The following ZBTB20 variants were observed in gnomAD, a reference collection of about 807,000 sequenced individuals.
The protein encoded by ZBTB20 is zinc finger and BTB domain-containing protein 20.
ZBTB20 carries 9 observed loss-of-function variants against 56.9 expected under a neutral mutation model. The observed-to-expected ratio is 0.16, with a 90% CI of 0.10 to 0.28. ZBTB20 has a LOEUF of 0.28. ZBTB20 is among the 10% of genes least tolerant of loss of function. ZBTB20 has a pLI of 1.00. For missense variants in ZBTB20, 655 were observed against 1,003.0 expected (o/e 0.65, Z 4.69); for synonymous variants, 417 against 420.7 (o/e 0.99, Z 0.11).
At chr3:114,763,158 T>C (rs2068550185) in intron 5 of ZBTB20, among the ~76,000 whole-genome samples, 1 of 152,150 alleles carries the variant, frequency 6.6e-6, no homozygotes, top group Non-Finnish European at 1.5e-5. Flanking sequence ...ATTTTAAACT[T>C]GTTAAGTGAT....
rs1014151898 is a variant in ZBTB20, at chr3:114,322,170, T to C, written c.*16835A>G. On this transcript the variant is annotated 3_prime_UTR_variant, in exon 12 of 12. Coordinates refer to ENST00000675478, the MANE Select transcript of ZBTB20 (RefSeq NM_001348800.3). ...GCTGCCCTATGTTTCACCAGTGACC[T>C]TTGTTTGGTTCTAAATGATTTAGCT... The C allele has an allele frequency of 7.2e-5, 11 of 152,268 alleles. No homozygotes were observed. Among genetic ancestry groups the C allele is most frequent in the African/African-American group, 2.4e-4 (10 of 41,452 alleles). The allele number at this position is 152,268 out of a possible 1,614,324, so 9.4% of individuals were successfully genotyped here. A position where few individuals can be genotyped will look rare whatever the true frequency, so the allele number is the denominator to read the frequency against.
At chr3:114,746,437 A>C (rs1227617180) in intron 5 of ZBTB20, among the ~76,000 whole-genome samples, 1 of 152,012 alleles carries the variant, frequency 6.6e-6, no homozygotes, top group Non-Finnish European at 1.5e-5. Flanking sequence ...TTCTAGTAGA[A>C]TTTGGCTGAT....
chr3:114,398,002 G>C (rs933958838), intron 7 of ZBTB20, among the ~76,000 whole-genome samples: 1 of 151,910 alleles, frequency 6.6e-6, no homozygotes, highest in African/African-American at 2.4e-5. Context: ...TAACTTATAG[G>C]GTGTCAGAAA....
chr3:114,986,001 G>C (rs2078523931), intron 2 of ZBTB20, among the ~76,000 whole-genome samples: 1 of 152,002 alleles, frequency 6.6e-6, no homozygotes, highest in Non-Finnish European at 1.5e-5. Context: ...AAGGGGGTGG[G>C]ATGCATTTGG....
intron 5 of ZBTB20, among the ~76,000 whole-genome samples, chr3:114,764,503 CTG>C (rs1448165607): frequency 1.3e-5 from 2 of 152,188 alleles, no homozygotes; most frequent in African/African-American, 4.8e-5. Flanking sequence ...CTGCTGAGAA[CTG>C]GATGTGCACA....
intron 7 of ZBTB20, among the ~76,000 whole-genome samples, chr3:114,403,267 C>T (rs533972014): frequency 2.0e-5 from 3 of 152,132 alleles, no homozygotes; most frequent in Admixed American, 6.5e-5. Context: ...GCCAGACTCT[C>T]ACCATGTTCT....
intron 5 of ZBTB20, among the ~76,000 whole-genome samples, chr3:114,722,852 C>T (rs748681895): frequency 2.6e-5 from 4 of 152,186 alleles, no homozygotes; most frequent in Admixed American, 6.5e-5. Flanking sequence ...CCTTGGACTT[C>T]ACAGCTCTGT....
chr3:114,555,520 C>T (rs559426817), intron 6 of ZBTB20, among the ~76,000 whole-genome samples: 1 of 152,214 alleles, frequency 6.6e-6, no homozygotes, highest in East Asian at 1.9e-4. Context: ...CACTAGTTCA[C>T]ATGTCATTTG....
chr3:114,384,110 C>CTCTCTCTCTCTCTCTCTCAT (rs2084754021), intron 8 of ZBTB20, among the ~76,000 whole-genome samples: 2 of 150,208 alleles, frequency 1.3e-5, no homozygotes, highest in African/African-American at 4.9e-5. Flanking sequence ...TTCTCTCTCT[C>CTCTCTCTCTCTCTCTCTCAT]TCTCTCTCTC....
chr3:114,551,167 A>G (rs957863001), intron 6 of ZBTB20, among the ~76,000 whole-genome samples: 1 of 152,248 alleles, frequency 6.6e-6, no homozygotes, highest in Admixed American at 6.5e-5. Context: ...AATCGATTAA[A>G]AATATATTCG....
chr3:114,931,843 C>G (rs899210080), intron 3 of ZBTB20, among the ~76,000 whole-genome samples: 1 of 151,908 alleles, frequency 6.6e-6, no homozygotes, highest in African/African-American at 2.4e-5. Flanking sequence ...AAATGTCAAC[C>G]AACTGCAAGC....
At chr3:114,588,304 C>CTA (rs2043697933) in intron 6 of ZBTB20, among the ~76,000 whole-genome samples, 1 of 152,166 alleles carries the variant, frequency 6.6e-6, no homozygotes, top group South Asian at 2.1e-4. Flanking sequence ...TAACTCAGAG[C>CTA]TATGCAAATC....
At chr3:114,757,659 TA>T (rs1274786306) in intron 5 of ZBTB20, among the ~76,000 whole-genome samples, 3 of 152,106 alleles carry the variant, frequency 2.0e-5, no homozygotes, top group Non-Finnish European at 4.4e-5. Context: ...ATTAAACCTT[TA>T]AAAAATATAT....
intron 2 of ZBTB20, among the ~76,000 whole-genome samples, chr3:115,052,578 T>G (rs2081594348): frequency 6.6e-6 from 1 of 152,202 alleles, no homozygotes. Context: ...TCTTTCCTCC[T>G]GCAAAGTTTA....
Position 114,332,888 on chromosome 3 carries a change from C to T in ZBTB20, c.*6117G>A, listed in dbSNP as rs1189027937. 2 of 151,170 alleles carry T rather than the reference C, an allele frequency of 1.3e-5. No homozygotes were observed. The highest frequency in any genetic ancestry group is 2.9e-5 in the Non-Finnish European group (2 of 67,922). The allele number at this position is 151,170 out of a possible 1,614,324, so 9.4% of individuals were successfully genotyped here. On this transcript the variant is annotated 3_prime_UTR_variant, in exon 12 of 12. Transcript: ENST00000675478. ...GAAAGATAATGTTTCTTGTTTCAAC[C>T]CAGGGCATTTTTACCCATCATGCAG...
At chr3:114,998,540 AG>A (rs1417321406) in intron 2 of ZBTB20, among the ~76,000 whole-genome samples, 1 of 151,786 alleles carries the variant, frequency 6.6e-6, no homozygotes, top group Non-Finnish European at 1.5e-5. Flanking sequence ...AAGAGGCATT[AG>A]AATATTATTT....
chr3:114,881,096 T>C (rs1329296779), intron 4 of ZBTB20, among the ~76,000 whole-genome samples: 1 of 152,118 alleles, frequency 6.6e-6, no homozygotes, highest in African/African-American at 2.4e-5. Context: ...ATTTCACCTA[T>C]ATTTACTTCT....
rs537985232 is a variant in ZBTB20, at chr3:114,847,816, T to C, written c.-416-46642A>G. ...GTTTAAGCACTTAGTCCAGGGTTCT[T>C]TGCACCCTGTGGGCCTTCAGTAAGC... On this transcript the variant is annotated intron_variant, in intron 4 of 11. Coordinates refer to ENST00000675478, the MANE Select transcript of ZBTB20 (RefSeq NM_001348800.3). Among the ~76,000 whole-genome samples the C allele has an allele frequency of 4.6e-5, 7 of 152,270 alleles. No homozygotes were observed. The East Asian group carries it at 1.4e-3, about 29-fold the overall frequency.
At chr3:114,734,170 T>C (rs879788466) in intron 5 of ZBTB20, among the ~76,000 whole-genome samples, 1 of 151,470 alleles carries the variant, frequency 6.6e-6, no homozygotes, top group Non-Finnish European at 1.5e-5. Flanking sequence ...CAAATAGATA[T>C]AAATAAATAA....
Sources: allele counts gnomAD v4.1 joint callset (sites outside exome capture counted in the v4.1 genomes callset), GRCh38; gene constraint gnomAD v4.1.1; transcripts MANE v1.5; gene names NCBI Gene and HGNC (gene_info 2026-07-23, HGNC 2026-07-21).